The following NRG3 variants were observed in gnomAD, a reference collection of about 807,000 sequenced individuals.
NRG3 encodes the protein neuregulin 3, also known as pro-neuregulin-3, membrane-bound isoform.
In NRG3, 31 loss-of-function variants were observed where a neutral mutation model predicts 66.9. That is an observed-to-expected ratio of 0.46 (90% CI 0.35 to 0.63). The LOEUF (loss-of-function observed/expected upper bound fraction) is 0.63. Ranked by LOEUF, NRG3 falls within the 20% of genes least tolerant of loss-of-function variation. The probability of loss-of-function intolerance (pLI) is 0.00; values close to 1 mark genes in which losing one functional copy is unlikely to be tolerated. For missense variants in NRG3, 910 were observed against 878.9 expected (o/e 1.04, Z -0.45); for synonymous variants, 393 against 359.4 (o/e 1.09, Z -1.06).
intron 2 of NRG3, among the ~76,000 whole-genome samples, chr10:82,462,084 T>A (rs1040808202): frequency 1.3e-5 from 2 of 152,038 alleles, no homozygotes; most frequent in African/African-American, 4.8e-5. Flanking sequence ...TGAGCTGAGA[T>A]CACACCATTG....
At chr10:82,120,382 G>A (rs1041264118) in intron 1 of NRG3, among the ~76,000 whole-genome samples, 1 of 152,030 alleles carries the variant, frequency 6.6e-6, no homozygotes, top group Non-Finnish European at 1.5e-5. Context: ...AAAATCAATA[G>A]TAATATTTAA....
chr10:82,214,134 A>G (rs1490157188), intron 1 of NRG3, among the ~76,000 whole-genome samples: 1 of 152,136 alleles, frequency 6.6e-6, no homozygotes, highest in Non-Finnish European at 1.5e-5. Flanking sequence ...CCTTCCCCTT[A>G]GGCTCAGTGG....
intron 7 of NRG3, among the ~76,000 whole-genome samples, chr10:82,978,125 C>A (rs148537283): frequency 6.6e-6 from 1 of 152,216 alleles, no homozygotes; most frequent in African/African-American, 2.4e-5. Flanking sequence ...CACCAGTCTA[C>A]AGTAGGGTCA....
At chr10:82,907,201 T>A (rs1844820469) in intron 4 of NRG3, among the ~76,000 whole-genome samples, 1 of 152,224 alleles carries the variant, frequency 6.6e-6, no homozygotes, top group Non-Finnish European at 1.5e-5. Context: ...CTGTCTTCAC[T>A]GAGTTTTAGT....
At chr10:81,920,129 C>CT (rs1469260370) in intron 1 of NRG3, among the ~76,000 whole-genome samples, 1 of 152,040 alleles carries the variant, frequency 6.6e-6, no homozygotes, top group Non-Finnish European at 1.5e-5. Context: ...AAGGATGACA[C>CT]TATGAGAAAG....
intron 1 of NRG3, among the ~76,000 whole-genome samples, chr10:82,344,462 A>C (rs970855495): frequency 6.7e-6 from 1 of 148,986 alleles, no homozygotes; most frequent in Admixed American, 6.6e-5. Context: ...CCAGTGTATC[A>C]TTGTTGGACA....
intron 2 of NRG3, among the ~76,000 whole-genome samples, chr10:82,484,551 G>C (rs79343064): frequency 0.019 from 2,840 of 152,258 alleles, 107 homozygotes; most frequent in African/African-American, 0.065. Flanking sequence ...ATTCTTGTCT[G>C]TTTGTCCCTT....
chr10:82,686,106 A>T (rs1241568312), intron 2 of NRG3, among the ~76,000 whole-genome samples: 1 of 152,210 alleles, frequency 6.6e-6, no homozygotes, highest in Admixed American at 6.5e-5. Flanking sequence ...AAATATATTA[A>T]CTAGTAACAG....
chr10:82,594,494 A>G (rs973849154), intron 2 of NRG3, among the ~76,000 whole-genome samples: 2 of 152,182 alleles, frequency 1.3e-5, no homozygotes, highest in African/African-American at 4.8e-5. Flanking sequence ...CACTGCTAAG[A>G]TGAACCTAAA....
intron 2 of NRG3, among the ~76,000 whole-genome samples, chr10:82,729,361 G>T (rs1263464163): frequency 6.6e-6 from 1 of 151,938 alleles, no homozygotes; most frequent in East Asian, 1.9e-4. Context: ...TATTACCTCT[G>T]GTATGATATT....
intron 1 of NRG3, among the ~76,000 whole-genome samples, chr10:82,206,755 A>T (rs573340645): frequency 1.3e-5 from 2 of 152,310 alleles, no homozygotes; most frequent in East Asian, 3.9e-4. Flanking sequence ...TCTATTTAGT[A>T]ATTCTATGTT....
intron 2 of NRG3, among the ~76,000 whole-genome samples, chr10:82,681,206 A>C (rs1407863779): frequency 6.6e-6 from 1 of 152,166 alleles, no homozygotes; most frequent in Non-Finnish European, 1.5e-5. Flanking sequence ...TTTGGAGCAA[A>C]ATTGCCTTAT....
chr10:82,734,362 A>G (rs1329812250), intron 2 of NRG3, among the ~76,000 whole-genome samples: 1 of 151,880 alleles, frequency 6.6e-6, no homozygotes, highest in East Asian at 1.9e-4. Flanking sequence ...CTTTGAAACT[A>G]CAAAACTCCC....
chr10:82,268,204 G>A (rs947688409), intron 1 of NRG3, among the ~76,000 whole-genome samples: 1 of 152,100 alleles, frequency 6.6e-6, no homozygotes, highest in Non-Finnish European at 1.5e-5. Flanking sequence ...GCCTATAAGA[G>A]TGCTTTTATT....
chr10:82,571,579 G>A (rs111572306), intron 2 of NRG3, among the ~76,000 whole-genome samples: 4 of 151,642 alleles, frequency 2.6e-5, no homozygotes, highest in Admixed American at 6.6e-5. Flanking sequence ...AAAGAATAGC[G>A]AGATACTTCT....
intron 2 of NRG3, among the ~76,000 whole-genome samples, chr10:82,685,400 A>C (rs902680610): frequency 3.9e-5 from 6 of 152,194 alleles, no homozygotes; most frequent in Non-Finnish European, 1.5e-5. Flanking sequence ...CCTGCTCAGT[A>C]AAAACGAACT....
chr10:82,546,650 T>C (rs2043938173), intron 2 of NRG3, among the ~76,000 whole-genome samples: 1 of 152,148 alleles, frequency 6.6e-6, no homozygotes. Context: ...ATAACAAAAG[T>C]ATTCCTAGGG....
chr10:82,052,193 G>A (rs11192313), intron 1 of NRG3, among the ~76,000 whole-genome samples: 52,610 of 150,918 alleles, frequency 0.35, 10,524 homozygotes, highest in South Asian at 0.51. Flanking sequence ...GTGAAAAAAA[G>A]AAATGCATGT....
At chr10:82,795,668 G>GA (rs754257273) in intron 3 of NRG3, among the ~76,000 whole-genome samples, 17 of 152,106 alleles carry the variant, frequency 1.1e-4, no homozygotes, top group Admixed American at 5.9e-4. Flanking sequence ...GTAGGAAATA[G>GA]AAAAATGGAA....
Sources: allele counts gnomAD v4.1 joint callset (sites outside exome capture counted in the v4.1 genomes callset), GRCh38; gene constraint gnomAD v4.1.1; transcripts MANE v1.5; gene names NCBI Gene and HGNC (gene_info 2026-07-23, HGNC 2026-07-21).